HDAC9: variants seen among roughly 807,000 people sequenced by gnomAD.
HDAC9 encodes the protein MEF-2 interacting transcription repressor (MITR) protein.
A neutral mutation model predicts 139.4 loss-of-function variants in HDAC9; 41 were observed. The ratio of observed to expected loss-of-function variants is 0.29; its 90% CI spans 0.23 to 0.38. The LOEUF (loss-of-function observed/expected upper bound fraction) is 0.38, where lower values mean the gene tolerates loss of function less well. HDAC9 is among the 10% of genes least tolerant of loss of function. HDAC9 has a pLI of 1.00. For missense variants in HDAC9, 1,147 were observed against 1,297.0 expected, an observed-to-expected ratio of 0.88 and a Z score of 1.78; for synonymous variants, 517 against 476.2, an observed-to-expected ratio of 1.09 and a Z score of -1.12.
At chr7:18,354,919 C>G (rs1448873565) in intron 1 of HDAC9, among the ~76,000 whole-genome samples, 5 of 152,068 alleles carry the variant, frequency 3.3e-5, no homozygotes, top group Non-Finnish European at 7.4e-5. Flanking sequence ...TGGTTTGTTC[C>G]TTAGGCTTGG....
At chr7:18,174,899 C>A (rs779023303) in intron 2 of HDAC9, among the ~76,000 whole-genome samples, 1 of 152,180 alleles carries the variant, frequency 6.6e-6, no homozygotes, top group Non-Finnish European at 1.5e-5. Flanking sequence ...CCCAGTTAGG[C>A]TACATGGCGG....
intron 17 of HDAC9, among the ~76,000 whole-genome samples, chr7:18,818,883 C>G (rs920214925): frequency 2.0e-5 from 3 of 152,074 alleles, no homozygotes; most frequent in African/African-American, 4.8e-5. Flanking sequence ...ATGGGACAAT[C>G]TTAATGAATG....
chr7:18,495,720 A>C (rs531218475), upstream of HDAC9: 17 of 987,538 alleles, frequency 1.7e-5, no homozygotes, highest in African/African-American at 2.3e-4. Context: ...GCTTTAGCCA[A>C]CTTGAGCTGA....
At chr7:18,426,710 T>G (rs1200514537) in intron 1 of HDAC9, among the ~76,000 whole-genome samples, 1 of 152,224 alleles carries the variant, frequency 6.6e-6, no homozygotes, top group Non-Finnish European at 1.5e-5. Context: ...AGTTTTATAC[T>G]TTATGAATCT....
intron 6 of HDAC9, among the ~76,000 whole-genome samples, chr7:18,618,865 G>A (rs1422318098): frequency 2.0e-5 from 3 of 150,686 alleles, no homozygotes; most frequent in East Asian, 3.9e-4. Context: ...ACACATGTAT[G>A]AATTCAGATT....
intron 19 of HDAC9, among the ~76,000 whole-genome samples, chr7:18,834,634 A>T (rs1796100026): frequency 6.6e-6 from 1 of 152,034 alleles, no homozygotes; most frequent in Non-Finnish European, 1.5e-5. Flanking sequence ...AATTAGGCAG[A>T]TTGCACAAGA....
At chr7:18,991,496 G>A (rs1785953657) in intron 25 of HDAC9, among the ~76,000 whole-genome samples, 1 of 152,150 alleles carries the variant, frequency 6.6e-6, no homozygotes, top group Admixed American at 6.5e-5. Context: ...AATTAGCCAG[G>A]TGTGGTGGCA....
intron 12 of HDAC9, among the ~76,000 whole-genome samples, chr7:18,714,839 G>A (rs564079228): frequency 6.6e-6 from 1 of 152,136 alleles, no homozygotes. Flanking sequence ...GATCTGTTGA[G>A]TCCACCATTG....
chr7:18,786,128 G>A (rs1371485277), intron 16 of HDAC9, among the ~76,000 whole-genome samples: 4 of 152,112 alleles, frequency 2.6e-5, no homozygotes, highest in East Asian at 1.9e-4. Context: ...CTGAGTAAAC[G>A]AAATCATGTT....
At chr7:18,862,473 G>A (rs1262205489) in intron 21 of HDAC9, among the ~76,000 whole-genome samples, 1 of 152,148 alleles carries the variant, frequency 6.6e-6, no homozygotes, top group East Asian at 1.9e-4. Context: ...ATCTTGAGTT[G>A]GAATCAAGTG....
chr7:18,316,661 G>C (rs1209413820), intron 1 of HDAC9, among the ~76,000 whole-genome samples: 1 of 149,754 alleles, frequency 6.7e-6, no homozygotes, highest in Non-Finnish European at 1.5e-5. Context: ...AATTGGCTGG[G>C]TGTCATGGCG....
chr7:18,304,745 G>A lies in HDAC9; in HGVS notation c.-42+14230G>A, dbSNP rs111457253. 1.8e-3 allele frequency among the ~76,000 whole-genome samples: 278 copies of A among 152,076 alleles called. 1 individual carries two copies. Among genetic ancestry groups the A allele is most frequent in the African/African-American group, 6.4e-3 (266 of 41,464 alleles). ...AGGTCCATACATCACTTTTTAATGG[G>A]GGCAGAGTGCGTAAGCCATTTTTAC... On this transcript the variant is annotated intron_variant, in intron 1 of 3. Coordinates refer to the HDAC9 transcript ENST00000413509.
chr7:18,889,712 C>T (rs543110661), intron 22 of HDAC9, among the ~76,000 whole-genome samples: 1 of 152,194 alleles, frequency 6.6e-6, no homozygotes, highest in East Asian at 1.9e-4. Flanking sequence ...TTTGTTTTGT[C>T]GTTGAGATAG....
chr7:18,293,501 A>G (rs1009281761), intron 1 of HDAC9, among the ~76,000 whole-genome samples: 1 of 152,096 alleles, frequency 6.6e-6, no homozygotes, highest in African/African-American at 2.4e-5. Context: ...CACACCGGGC[A>G]TTCTTAGATT....
chr7:18,867,555 A>G (rs186505480), intron 21 of HDAC9, among the ~76,000 whole-genome samples: 1 of 152,358 alleles, frequency 6.6e-6, no homozygotes, highest in East Asian at 1.9e-4. Flanking sequence ...ATTCAGTGTT[A>G]CTGATTAGGA....
intron 2 of HDAC9, among the ~76,000 whole-genome samples, chr7:18,215,430 A>C (rs1011661239): frequency 3.3e-5 from 5 of 152,202 alleles, no homozygotes; most frequent in East Asian, 1.9e-4. Context: ...GTTGGTGTTC[A>C]AGAAAAGAAC....
chr7:18,788,628 G>A (rs986320434), intron 16 of HDAC9, among the ~76,000 whole-genome samples: 5 of 151,860 alleles, frequency 3.3e-5, no homozygotes, highest in Admixed American at 1.3e-4. Context: ...GGTGGCGGAT[G>A]CCTGAAATCC....
At chr7:18,539,203 G>A (rs1040799016) in intron 2 of HDAC9, among the ~76,000 whole-genome samples, 1 of 152,216 alleles carries the variant, frequency 6.6e-6, no homozygotes, top group South Asian at 2.1e-4. Context: ...GATAAGTCAT[G>A]TGGCTCTACT....
intron 17 of HDAC9, among the ~76,000 whole-genome samples, chr7:18,827,457 T>G (rs771125306): frequency 3.8e-4 from 58 of 152,168 alleles, no homozygotes; most frequent in Non-Finnish European, 7.2e-4. Flanking sequence ...TGAATTATCC[T>G]TCTACAAGCA....
Sources: allele counts gnomAD v4.1 joint callset (sites outside exome capture counted in the v4.1 genomes callset), GRCh38; gene constraint gnomAD v4.1.1; transcripts MANE v1.5; gene names NCBI Gene and HGNC (gene_info 2026-07-23, HGNC 2026-07-21).